The following AHNAK variants were observed in gnomAD, a reference collection of about 807,000 sequenced individuals.
AHNAK encodes neuroblast differentiation-associated protein AHNAK.
AHNAK carries 23 observed loss-of-function variants against 37.8 expected under a neutral mutation model. That is an observed-to-expected ratio of 0.61 (90% CI 0.44 to 0.86). AHNAK has a LOEUF of 0.86. Ranked by LOEUF, AHNAK falls within the 40% of genes least tolerant of loss-of-function variation. AHNAK has a pLI of 0.00. For synonymous variants in AHNAK, 2,481 were observed against 2,636.3 expected, an observed-to-expected ratio of 0.94 and a Z score of 1.80; for missense variants, 7,411 against 7,319.4, an observed-to-expected ratio of 1.01 and a Z score of -0.46.
downstream of AHNAK, among the ~76,000 whole-genome samples, chr11:62,511,834 G>A (rs891866425): frequency 2.6e-5 from 4 of 152,168 alleles, no homozygotes; most frequent in Non-Finnish European, 4.4e-5. Context: ...GACTACAGGC[G>A]AGTGCCACAC....
intron 5 of AHNAK, among the ~76,000 whole-genome samples, chr11:62,476,250 A>G (rs1051555042): frequency 4.6e-5 from 7 of 152,162 alleles, no homozygotes; most frequent in African/African-American, 1.7e-4. Context: ...TTAGCTGGGC[A>G]TGGTGGCGCA....
chr11:62,433,729 G>C, exon 6 of AHNAK: 1 of 977,306 alleles, frequency 1.0e-6, no homozygotes, highest in Non-Finnish European at 1.6e-6. Context: ...AAACATGCAT[G>C]CTCCGAAAAG....
At chr11:62,455,433 T>C (rs1590595292) in intron 5 of AHNAK, among the ~76,000 whole-genome samples, 1 of 149,742 alleles carries the variant, frequency 6.7e-6, no homozygotes, top group South Asian at 2.2e-4. Context: ...TGGCCGGGCG[T>C]GGTGGCTCAC....
chr11:62,494,774 G>A (rs1261233237), intron 4 of AHNAK, among the ~76,000 whole-genome samples: 1 of 151,996 alleles, frequency 6.6e-6, no homozygotes, highest in Admixed American at 6.6e-5. Context: ...ACTTTAGGAG[G>A]CCAAAGCAGG....
intron 5 of AHNAK, among the ~76,000 whole-genome samples, chr11:62,440,172 G>A (rs1456422504): frequency 2.0e-5 from 3 of 152,172 alleles, no homozygotes; most frequent in Non-Finnish European, 4.4e-5. Context: ...AGGGAAAAGT[G>A]AGGGGGTGGC....
Position 62,542,333 on chromosome 11 carries a change from C to T in AHNAK, c.-100+4327G>A, listed in dbSNP as rs1037346614. Among the ~76,000 whole-genome samples, 4 of 152,252 alleles carry T rather than the reference C, an allele frequency of 2.6e-5. No individual in the cohort carries two copies. In the South Asian group the frequency reaches 8.3e-4, roughly 32 times the overall value. ...CCTCCCCTTGTGTGTGTGCACCTGCCTGGCCTCCTCCCTGCTCCCTGCCCT... is the reference window on the plus strand; with the variant it reads ...CCTCCCCTTGTGTGTGTGCACCTGCTTGGCCTCCTCCCTGCTCCCTGCCCT... On this transcript the variant is annotated intron_variant, in intron 1 of 4. Transcript: ENST00000378024.
In AHNAK at chr11:62,533,787, C is replaced by T. The variant is rs769203154; in HGVS notation, c.630G>A (p.Ser210=). Residue 210 remains serine, a synonymous_variant, in exon 5 of 5, where the codon TCG becomes TCA. Coordinates refer to ENST00000378024, the MANE Select transcript of AHNAK (RefSeq NM_001620.3). ...QSGKTVIRLP[S]GSGAASPTGS... is the part of the protein sequence containing the mutation. ...CTGTCGGAGAGGCTGCCCCCGAGCCCGAGGGCAGTCTGATCACGGTCTTCC... is the reference window on the plus strand; with the variant it reads ...CTGTCGGAGAGGCTGCCCCCGAGCCTGAGGGCAGTCTGATCACGGTCTTCC... 6.2e-6 allele frequency: 10 copies of T among 1,614,138 alleles called. No individual in the cohort carries two copies. Among genetic ancestry groups the T allele is most frequent in the East Asian group, 4.5e-5 (2 of 44,870 alleles).
At chr11:62,472,968 C>G (rs1271486109) in intron 5 of AHNAK, among the ~76,000 whole-genome samples, 1 of 150,082 alleles carries the variant, frequency 6.7e-6, no homozygotes. Flanking sequence ...TGCCTGTAAC[C>G]CAGCTACTCG....
chr11:62,443,468 C>T (rs1938357303), intron 5 of AHNAK, among the ~76,000 whole-genome samples: 1 of 151,790 alleles, frequency 6.6e-6, no homozygotes. Flanking sequence ...GATGGGGTTT[C>T]TCCATGTTGG....
chr11:62,476,770 C>G (rs1272111493), intron 5 of AHNAK, among the ~76,000 whole-genome samples: 1 of 151,972 alleles, frequency 6.6e-6, no homozygotes, highest in African/African-American at 2.4e-5. Context: ...GTGGTTGGAC[C>G]AAGAGAAAGA....
Position 62,475,602 on chromosome 11 carries a change from C to CTT in AHNAK, c.442+16128_442+16129dup, listed in dbSNP as rs55773953. ...CTTAAATAAATGTGGTTATGTTATA[C>CTT]TTTTTTTTTTTTTTTTTTTTTAGAC... is the stretch of plus-strand genomic sequence containing the variant. On this transcript the variant is annotated intron_variant, in intron 5 of 5. Transcript: ENST00000257247. Among the ~76,000 whole-genome samples, 278 of 118,016 alleles carry CTT rather than the reference C, an allele frequency of 2.4e-3. 14 individuals are homozygous for CTT. The highest frequency in any genetic ancestry group is 9.0e-3 in the African/African-American group (252 of 28,026). 77.4% of individuals were successfully genotyped at this position (118,016 alleles called of 152,430 possible).
chr11:62,493,015 T>TC (rs780293765), intron 4 of AHNAK, among the ~76,000 whole-genome samples: 146 of 138,014 alleles, frequency 1.1e-3, no homozygotes, highest in African/African-American at 4.1e-3. Context: ...TCTTTTCTTT[T>TC]TTTTTTTTTT....
chr11:62,518,292 A>G lies in AHNAK; in HGVS notation c.16125T>C (p.Ala5375=). The change falls in exon 5 of 5, where the codon GCT becomes GCC. Residue 5375 remains alanine, a synonymous_variant. Coordinates refer to ENST00000378024, the MANE Select transcript of AHNAK (RefSeq NM_001620.3). ...TAGGGCATTTGATGTCACCAGAGACAGCCAGATCTCCCTGCAGGCTTGGTC... is the reference window on the plus strand; with the variant it reads ...TAGGGCATTTGATGTCACCAGAGACGGCCAGATCTCCCTGCAGGCTTGGTC... ...LRGPSLQGDL[A]VSGDIKCPKV... is the part of the protein sequence containing the mutation. The G allele has an allele frequency of 6.2e-7, 1 of 1,614,198 alleles. No individual in the cohort carries two copies. The highest frequency in any genetic ancestry group is 1.1e-5 in the South Asian group (1 of 91,084).
rs375036811 is a variant in AHNAK at position 62,522,892 on chromosome 11, A to G, written c.11525T>C (p.Ile3842Thr). The G allele has an allele frequency of 4.9e-5, 79 of 1,612,184 alleles. No individual in the cohort carries two copies. Among genetic ancestry groups the G allele is most frequent in the Admixed American group, 8.4e-5 (5 of 59,752 alleles). ...DLDVSGPKVD[I>T]DVPDVNIEGP... ...TTCGATATTCACATCTGGAACATCA[A>G]TGTCCACCTTGGGTCCTGAGACATC... Residue 3842 changes from isoleucine to threonine, a missense_variant, in exon 5 of 5, where the codon ATT becomes ACT. By Grantham distance (89) the Ile-to-Thr change is moderately conservative. Coordinates refer to ENST00000378024, the MANE Select transcript of AHNAK (RefSeq NM_001620.3).
At chr11:62,545,826 T>G (rs1941290045) in intron 1 of AHNAK, 1 of 152,398 alleles carries the variant, frequency 6.6e-6, no homozygotes, top group African/African-American at 2.4e-5. Flanking sequence ...GGCCAGGCTC[T>G]GGGGCGGGGG....
At position 62,483,554 on chromosome 11, in the gene AHNAK, G is replaced by A. The variant is rs533123894; in HGVS notation, c.442+8178C>T. On this transcript the variant is annotated intron_variant, in intron 5 of 5. Transcript: ENST00000257247. ...ATCCTGGCTAACACGGTGAAACCCC[G>A]TCTCTACTAAAAAAAAAACTACAGC... Among the ~76,000 whole-genome samples the A allele has an allele frequency of 1.5e-3, 231 of 150,726 alleles. 4 individuals are homozygous for A. Among genetic ancestry groups the A allele is most frequent in the Non-Finnish European group, 2.3e-3 (157 of 67,706 alleles).
intron 5 of AHNAK, among the ~76,000 whole-genome samples, chr11:62,456,468 T>A (rs1158741939): frequency 2.6e-5 from 4 of 152,204 alleles, no homozygotes; most frequent in Non-Finnish European, 5.9e-5. Flanking sequence ...AGGGGGAAAC[T>A]GACACTCAGA....
In AHNAK at chr11:62,488,432, G is replaced by A. The variant is rs373348550; in HGVS notation, c.442+3300C>T. Among the ~76,000 whole-genome samples, 9 of 149,458 alleles carry A rather than the reference G, an allele frequency of 6.0e-5. No homozygotes were observed. The East Asian group carries it at 7.9e-4, about 13-fold the overall frequency. On this transcript the variant is annotated intron_variant, in intron 5 of 5. Transcript: ENST00000257247. Reference sequence around the variant, plus strand: ...TTTTTTTTTTCCAAGACGGAGTTTCGCTCCTGTTGCCCAGGCTGGAGTGCA... The same window carrying A: ...TTTTTTTTTTCCAAGACGGAGTTTCACTCCTGTTGCCCAGGCTGGAGTGCA...
chr11:62,529,960 T>C lies in AHNAK; in HGVS notation c.4457A>G (p.Asp1486Gly). 6.2e-7 allele frequency: 1 copy of C among 1,613,418 alleles called. No individual in the cohort carries two copies. The highest frequency in any genetic ancestry group is 8.5e-7 in the Non-Finnish European group (1 of 1,179,858). ...VEGEIKAPDV[D>G]IKGPKVDINA... ...AATATCAACTTTGGGGCCTTTGATG[T>C]CAACATCAGGAGCTTTTATCTCTCC... The change falls in exon 5 of 5, where the codon GAC (aspartate) becomes GGC (glycine). Residue 1486 changes from aspartate (D) to glycine (G), a missense_variant. Transcript: ENST00000378024.
Sources: allele counts gnomAD v4.1 joint callset (sites outside exome capture counted in the v4.1 genomes callset), GRCh38; gene constraint gnomAD v4.1.1; transcripts MANE v1.5; gene names NCBI Gene and HGNC (gene_info 2026-07-23, HGNC 2026-07-21).